Variants in RANBP2 observed in about 807,000 individuals in gnomAD.
The protein encoded by RANBP2 is E3 SUMO-protein ligase RanBP2.
A neutral mutation model predicts 303.6 loss-of-function variants in RANBP2; 57 were observed. The ratio of observed to expected loss-of-function variants is 0.19; its 90% confidence interval spans 0.15 to 0.23. The LOEUF is 0.23. Among genes scored for constraint, RANBP2 ranks in the 10% least tolerant of loss-of-function variants. The pLI, the probability that RANBP2 is intolerant of heterozygous loss-of-function variation, is 1.00. For missense variants in RANBP2, 3,138 were observed against 3,780.8 expected (o/e 0.83, Z 4.46); for synonymous variants, 1,167 against 1,301.5 (o/e 0.90, Z 2.23).
At chr2:109,128,954 T>G in the RANBP2 span, 29 of 411,138 alleles carry the variant, frequency 7.1e-5, no homozygotes, top group East Asian at 1.0e-3. Flanking sequence ...AGCCCCGCAG[T>G]GACCGTGACC....
chr2:109,153,842 G>A, the RANBP2 span, among the ~76,000 whole-genome samples: 23 of 152,212 alleles, frequency 1.5e-4, no homozygotes, highest in Non-Finnish European at 2.6e-4. Context: ...GCTTCCTGAG[G>A]GCTGACTCCT....
At chr2:109,378,186 C>T in the RANBP2 span, among the ~76,000 whole-genome samples, 2 of 152,234 alleles carry the variant, frequency 1.3e-5, no homozygotes, top group Non-Finnish European at 2.9e-5. Flanking sequence ...CCAGACCTGT[C>T]TGATCCTGTG....
the RANBP2 span, among the ~76,000 whole-genome samples, chr2:108,917,574 C>A: frequency 2.6e-5 from 4 of 152,170 alleles, no homozygotes; most frequent in African/African-American, 9.7e-5. Context: ...AAGCATCTAG[C>A]TTACTTGGTC....
chr2:109,168,916 G>GA, the RANBP2 span, among the ~76,000 whole-genome samples: 7 of 152,192 alleles, frequency 4.6e-5, no homozygotes, highest in Non-Finnish European at 8.8e-5. Context: ...CAGGACTCCT[G>GA]AGCCAAACCT....
At position 108,771,790 on chromosome 2, in the gene RANBP2, C is replaced by G; in HGVS notation, c.7939C>G (p.Leu2647Val). 1 of 1,614,022 alleles carries G rather than the reference C, an allele frequency of 6.2e-7. No individual in the cohort carries two copies. The highest frequency in any genetic ancestry group is 8.5e-7 in the Non-Finnish European group (1 of 1,179,972). ...AACTCCAACCGCTGAGCAGAAAGCC[C>G]TTGCAACCAAACTTAAACTTCCTCC... ...ELTPTAEQKA[L>V]ATKLKLPPTF... Residue 2647 changes from leucine to valine, a missense_variant, in exon 21 of 29, where the codon CTT becomes GTT. Leu to Val is a conservative substitution (Grantham distance 32). Coordinates refer to ENST00000283195, the MANE Select transcript of RANBP2 (RefSeq NM_006267.5).
chr2:109,744,887 C>T, the RANBP2 span, among the ~76,000 whole-genome samples: 4 of 12,510 alleles, frequency 3.2e-4, no homozygotes, highest in East Asian at 6.9e-3. Flanking sequence ...TAAACATACT[C>T]TTACTATACA....
the RANBP2 span, among the ~76,000 whole-genome samples, chr2:109,469,460 C>T: frequency 6.6e-6 from 1 of 152,176 alleles, no homozygotes; most frequent in East Asian, 1.9e-4. Context: ...ACAGTAATGC[C>T]TGTTGTGCAG....
At chr2:109,531,098 C>A in the RANBP2 span, among the ~76,000 whole-genome samples, 1 of 152,122 alleles carries the variant, frequency 6.6e-6, no homozygotes, top group African/African-American at 2.4e-5. Context: ...AGGTGTGGAC[C>A]GAGCAGGAGA....
chr2:108,969,494 C>T, the RANBP2 span, among the ~76,000 whole-genome samples: 3 of 152,158 alleles, frequency 2.0e-5, no homozygotes, highest in African/African-American at 7.2e-5. Flanking sequence ...GGTCCTGGCC[C>T]CGAGGACTCA....
chr2:109,641,861 A>G, the RANBP2 span, among the ~76,000 whole-genome samples: 4 of 152,158 alleles, frequency 2.6e-5, no homozygotes, highest in South Asian at 2.1e-4. Flanking sequence ...GCTGGAGTAC[A>G]ATGGTGCAAT....
At chr2:109,519,751 TG>T in the RANBP2 span, among the ~76,000 whole-genome samples, 1 of 152,258 alleles carries the variant, frequency 6.6e-6, no homozygotes, top group Non-Finnish European at 1.5e-5. Flanking sequence ...AGCATGCTTT[TG>T]TCAAGGGCAT....
At chr2:108,924,777 C>A in the RANBP2 span, among the ~76,000 whole-genome samples, 11 of 152,362 alleles carry the variant, frequency 7.2e-5, no homozygotes, top group African/African-American at 2.6e-4. Flanking sequence ...GCCACGACAG[C>A]CAGTTTTACA....
At chr2:109,263,169 A>G in the RANBP2 span, among the ~76,000 whole-genome samples, 285 of 152,332 alleles carry the variant, frequency 1.9e-3, 1 homozygote, top group Middle Eastern at 0.02. Context: ...TAAATGAGTT[A>G]AGAACGGCAG....
the RANBP2 span, among the ~76,000 whole-genome samples, chr2:109,039,438 C>A: frequency 5.7e-3 from 874 of 152,324 alleles, 5 homozygotes; most frequent in Non-Finnish European, 7.2e-3. Flanking sequence ...GCAGCCTCCA[C>A]CTCCTGGGTT....
At chr2:109,130,089 C>G in the RANBP2 span, 1 of 1,358,476 alleles carries the variant, frequency 7.4e-7, no homozygotes, top group Middle Eastern at 2.7e-4. Context: ...AGCTGGCGAC[C>G]AGCAGGACCG....
chr2:108,944,060 C>T, the RANBP2 span, among the ~76,000 whole-genome samples: 1 of 152,210 alleles, frequency 6.6e-6, no homozygotes. Context: ...AATTGCTATC[C>T]AGCCACGTAG....
chr2:108,736,532 A>T (rs1695598072), intron 6 of RANBP2, among the ~76,000 whole-genome samples: 1 of 152,188 alleles, frequency 6.6e-6, no homozygotes, highest in African/African-American at 2.4e-5. Flanking sequence ...TCAAGCCTAA[A>T]ATGAATGTTC....
chr2:109,528,754 C>T, the RANBP2 span, among the ~76,000 whole-genome samples: 1 of 152,184 alleles, frequency 6.6e-6, no homozygotes, highest in Non-Finnish European at 1.5e-5. Context: ...CCTGCAGTCA[C>T]ATCACACGAC....
chr2:109,552,930 T>C, the RANBP2 span: 5 of 830,742 alleles, frequency 6.0e-6, no homozygotes, highest in African/African-American at 8.6e-5. Flanking sequence ...CAGGCTATGA[T>C]TCTAAGTCAA....
Sources: allele counts gnomAD v4.1 joint callset (sites outside exome capture counted in the v4.1 genomes callset), GRCh38; gene constraint gnomAD v4.1.1; transcripts MANE v1.5; gene names NCBI Gene and HGNC (gene_info 2026-07-23, HGNC 2026-07-21).